DCAF17: variants seen among roughly 807,000 people sequenced by gnomAD.
DCAF17 encodes DDB1 and CUL4 associated factor 17.
Under a neutral mutation model 66.0 loss-of-function variants are expected in DCAF17, and 48 were observed. The observed-to-expected ratio is 0.73, with a 90% confidence interval of 0.58 to 0.92. DCAF17 has a LOEUF of 0.92. Among genes scored for constraint, DCAF17 ranks in the 40% least tolerant of loss-of-function variants. The pLI, the probability that DCAF17 is intolerant of heterozygous loss-of-function variation, is 0.00. For missense variants in DCAF17, 562 were observed against 622.8 expected, an observed-to-expected ratio of 0.90 and a Z score of 1.04; for synonymous variants, 206 against 214.6, an observed-to-expected ratio of 0.96 and a Z score of 0.35.
In DCAF17 at chr2:171,481,091, GA is replaced by G; in HGVS notation, c.1543del (p.Thr515ProfsTer2). The G allele has an allele frequency of 6.2e-7, 1 of 1,613,666 alleles. No homozygotes were observed. The highest frequency in any genetic ancestry group is 8.5e-7 in the Non-Finnish European group (1 of 1,179,632). ...GATATGTGACACTGGGGAAGAAGAA[GA>G]AACCATAAACAGAAGCTGTTAAAAA... ...QMICDTGEEEETINRSC is the reference protein window; with the variant it reads ...QMICDTGEEEXTINRSC On this transcript the variant is annotated frameshift_variant, in exon 14 of 14. Coordinates refer to ENST00000375255, the MANE Select transcript of DCAF17 (RefSeq NM_025000.4). LOFTEE classifies it high-confidence loss of function.
chr2:171,484,096 A>G lies in DCAF17; in HGVS notation c.*2982A>G, dbSNP rs1444397147. The G allele has an allele frequency of 2.2e-6, 1 of 453,896 alleles. No homozygotes were observed. Among genetic ancestry groups the G allele is most frequent in the Non-Finnish European group, 4.4e-6 (1 of 226,774 alleles). 28.1% of individuals were successfully genotyped at this position (453,896 alleles called of 1,614,324 possible). On this transcript the variant is annotated 3_prime_UTR_variant, in exon 14 of 14. Transcript: ENST00000375255. ...AAATGTAGTTCTTCATTCAATGGTT[A>G]GCAGTCATTAAAAGGTACTTTCCCT...
chr2:171,450,327 AC>A (rs1694874419), intron 5 of DCAF17, among the ~76,000 whole-genome samples: 1 of 152,176 alleles, frequency 6.6e-6, no homozygotes, highest in African/African-American at 2.4e-5. Flanking sequence ...AGAAATCACC[AC>A]TAAAGAACTT....
At chr2:171,470,419 G>T (rs1462837508) in intron 9 of DCAF17, among the ~76,000 whole-genome samples, 1 of 152,102 alleles carries the variant, frequency 6.6e-6, no homozygotes, top group Non-Finnish European at 1.5e-5. Context: ...TTACCATGTT[G>T]CAGGTCAGCA....
Position 171,476,895 on chromosome 2 carries a change from C to T in DCAF17, c.1127C>T (p.Ser376Phe), listed in dbSNP as rs761867442. 1 of 1,613,710 alleles carries T rather than the reference C, an allele frequency of 6.2e-7. No homozygotes were observed. The highest frequency in any genetic ancestry group is 1.7e-5 in the Admixed American group (1 of 59,994). The change falls in exon 11 of 14, where the codon TCT (serine) becomes TTT (phenylalanine). Residue 376 changes from serine (S) to phenylalanine (F), a missense_variant. Physicochemically the swap from Ser to Phe is radical, Grantham distance 155. Coordinates refer to ENST00000375255, the MANE Select transcript of DCAF17 (RefSeq NM_025000.4). ...CTAACTGAAATAGAAAATAATAGTT[C>T]TCAGCATCAGATCTCTGAAGATTTT... ...LKLTEIENNS[S>F]QHQISEDFVI... is the part of the protein sequence containing the mutation.
intron 3 of DCAF17, among the ~76,000 whole-genome samples, chr2:171,443,909 A>G (rs41268699): frequency 0.036 from 5,504 of 152,338 alleles, 113 homozygotes; most frequent in Non-Finnish European, 0.056. Context: ...ATGTATAATT[A>G]TCTTAGTGTT....
At chr2:171,451,663 C>A (rs1204355361) in intron 5 of DCAF17, among the ~76,000 whole-genome samples, 1 of 152,172 alleles carries the variant, frequency 6.6e-6, no homozygotes, top group African/African-American at 2.4e-5. Context: ...GCATCCTCTG[C>A]CTCCCAGGTT....
At chr2:171,448,327 A>G (rs147311745) in intron 3 of DCAF17, among the ~76,000 whole-genome samples, 1 of 152,328 alleles carries the variant, frequency 6.6e-6, no homozygotes, top group Non-Finnish European at 1.5e-5. Context: ...TGCTATATAC[A>G]TGATTTTAAG....
chr2:171,463,506 A>G (rs1010331324), intron 8 of DCAF17, among the ~76,000 whole-genome samples: 1 of 152,162 alleles, frequency 6.6e-6, no homozygotes, highest in Non-Finnish European at 1.5e-5. Context: ...AGTTTTCATT[A>G]TATCTTCTGA....
intron 2 of DCAF17, among the ~76,000 whole-genome samples, chr2:171,441,387 T>C (rs1040681989): frequency 4.6e-5 from 7 of 152,144 alleles, no homozygotes; most frequent in Admixed American, 2.6e-4. Flanking sequence ...CTTGTCTCTC[T>C]CTCAGTGTAG....
intron 8 of DCAF17, among the ~76,000 whole-genome samples, chr2:171,466,971 G>T (rs1695941233): frequency 6.6e-6 from 1 of 151,576 alleles, no homozygotes. Flanking sequence ...CTATTGGGGT[G>T]TTTATATTTT....
chr2:171,478,777 C>T (rs533731575), intron 12 of DCAF17, among the ~76,000 whole-genome samples: 2 of 152,172 alleles, frequency 1.3e-5, no homozygotes, highest in Admixed American at 6.5e-5. Flanking sequence ...AGAGGTGGCC[C>T]AGTATGTAGC....
Position 171,484,513 on chromosome 2 carries a change from G to A in DCAF17, c.*3399G>A, listed in dbSNP as rs1190502168. 2 of 449,054 alleles carry A rather than the reference G, an allele frequency of 4.5e-6. No individual in the cohort carries two copies. The highest frequency in any genetic ancestry group is 1.4e-4 in the East Asian group (2 of 14,340). 27.8% of individuals were successfully genotyped at this position (449,054 alleles called of 1,614,324 possible). Reference sequence around the variant, plus strand: ...ATGGATTTCAAAATAAATTGCAGTTGCTGATATACTTCCCCCTAGTACTTC... The same window carrying A: ...ATGGATTTCAAAATAAATTGCAGTTACTGATATACTTCCCCCTAGTACTTC... On this transcript the variant is annotated 3_prime_UTR_variant, in exon 14 of 14. Transcript: ENST00000375255.
intron 1 of DCAF17, 49 bp downstream of exon 1, chr2:171,434,752 G>C: frequency 1.4e-6 from 2 of 1,389,970 alleles, no homozygotes; most frequent in East Asian, 2.9e-5. Context: ...GGCGCGCGGC[G>C]GCCGAGCCTC....
At chr2:171,458,341 A>G (rs1559274392) in intron 7 of DCAF17, 31 bp from the exon 8 acceptor site, 1 of 1,574,214 alleles carries the variant, frequency 6.4e-7, no homozygotes, top group Non-Finnish European at 8.7e-7. Context: ...TAGGTGCTAA[A>G]GCCACCATTT....
In DCAF17 at chr2:171,473,992, G is replaced by A. The variant is rs1696383215; in HGVS notation, c.1091+17G>A. On this transcript the variant is annotated intron_variant, in intron 10 of 13. Transcript: ENST00000375255. ...TCAAGTCAAGTGAGTAATCTCATTA[G>A]CACTTGAAAGTTAAGAGCAGCTTTT... 1.3e-6 allele frequency: 2 copies of A among 1,588,898 alleles called. No individual in the cohort carries two copies.
chr2:171,464,471 C>A (rs1018885353), intron 8 of DCAF17, among the ~76,000 whole-genome samples: 2 of 152,198 alleles, frequency 1.3e-5, no homozygotes, highest in African/African-American at 2.4e-5. Context: ...TCTGTGTCTT[C>A]AAATCTCTTT....
Position 171,445,260 on chromosome 2 carries a change from G to A in DCAF17, c.321+1647G>A, listed in dbSNP as rs191831717. 2.0e-3 allele frequency among the ~76,000 whole-genome samples: 305 copies of A among 152,092 alleles called. 3 individuals are homozygous for A. The highest frequency in any genetic ancestry group is 6.8e-3 in the African/African-American group (283 of 41,468). On this transcript the variant is annotated intron_variant, in intron 3 of 13. Transcript: ENST00000375255. ...CTGCCTCAGCCTCCCAAGTAGCTGG[G>A]ACTACAGGCACCCAGCACCATGCCC...
chr2:171,475,278 C>A (rs1037901297), intron 10 of DCAF17, among the ~76,000 whole-genome samples: 5 of 152,194 alleles, frequency 3.3e-5, no homozygotes, highest in African/African-American at 1.2e-4. Flanking sequence ...ATTTTCATTG[C>A]ACCCACTGTG....
chr2:171,463,216 C>A (rs1477860189), intron 8 of DCAF17, among the ~76,000 whole-genome samples: 2 of 133,850 alleles, frequency 1.5e-5, no homozygotes, highest in African/African-American at 2.9e-5. Flanking sequence ...GGCGATGGAG[C>A]GAGATTTTAA....
Sources: allele counts gnomAD v4.1 joint callset (sites outside exome capture counted in the v4.1 genomes callset), GRCh38; gene constraint gnomAD v4.1.1; transcripts MANE v1.5; gene names NCBI Gene and HGNC (gene_info 2026-07-23, HGNC 2026-07-21).